Variants in FOXP1 observed in about 807,000 individuals in gnomAD.
FOXP1 encodes the protein forkhead box protein P1.
Under a neutral mutation model 98.2 loss-of-function variants are expected in FOXP1, and 15 were observed. The observed-to-expected ratio is 0.15, with a 90% CI of 0.10 to 0.24. The LOEUF is 0.24. Among genes scored for constraint, FOXP1 ranks in the 10% least tolerant of loss-of-function variants. The pLI, the probability that FOXP1 is intolerant of heterozygous loss-of-function variation, is 1.00. For missense variants in FOXP1, 633 were observed against 848.5 expected, an observed-to-expected ratio of 0.75 and a Z score of 3.15; for synonymous variants, 371 against 314.5, an observed-to-expected ratio of 1.18 and a Z score of -1.90.
intron 2 of FOXP1, among the ~76,000 whole-genome samples, chr3:71,499,610 T>A (rs546142819): frequency 6.6e-6 from 1 of 152,380 alleles, no homozygotes; most frequent in African/African-American, 2.4e-5. Flanking sequence ...GGGTCCCACG[T>A]GCCACAGCAA....
intron 6 of FOXP1, among the ~76,000 whole-genome samples, chr3:71,124,802 G>A (rs182722326): frequency 2.5e-3 from 379 of 152,266 alleles, no homozygotes; most frequent in Non-Finnish European, 4.4e-3. Context: ...ATAACACACT[G>A]CCCCCAGGCA....
At chr3:71,331,058 C>T (rs1343001477) in intron 4 of FOXP1, among the ~76,000 whole-genome samples, 10 of 152,248 alleles carry the variant, frequency 6.6e-5, no homozygotes, top group East Asian at 1.9e-4. Context: ...TTCAGCCCGC[C>T]GCTGCACTGT....
In FOXP1 at chr3:71,284,765, T is replaced by TA. The variant is rs1161741176; in HGVS notation, c.-12+15054dup. On this transcript the variant is annotated intron_variant, in intron 5 of 20. Coordinates refer to ENST00000649528, the MANE Select transcript of FOXP1 (RefSeq NM_001349338.3). ...AAATGCTCATCATGAAATACTAAAT[T>TA]AAAAAAAAAAATGGATACACAAATA... Among the ~76,000 whole-genome samples the TA allele has an allele frequency of 3.0e-3, 435 of 146,686 alleles. 2 individuals are homozygous for TA. Among genetic ancestry groups the TA allele is most frequent in the Middle Eastern group, 7.1e-3 (2 of 282 alleles).
At chr3:71,574,146 A>G (rs1232640173) in intron 2 of FOXP1, 1 of 152,204 alleles carries the variant, frequency 6.6e-6, no homozygotes, top group African/African-American at 2.4e-5. Context: ...AGAAATTTTA[A>G]AAGTTTTTAT....
At position 70,965,958 on chromosome 3, in the gene FOXP1, G is replaced by A. The variant is rs768285337; in HGVS notation, c.1821C>T (p.Asn607=). The stretch of plus-strand genomic sequence containing the variant: ...TGCTGTTGGTATGCTCCATTGCCCC[G>A]TTCAGCTCTTCCCGTATTGCGCTGG... ...NLASAIREEL[N]GAMEHTNSNE... Residue 607 remains asparagine, a synonymous_variant, in exon 20 of 21, where the codon AAC becomes AAT. Coordinates refer to ENST00000649528, the MANE Select transcript of FOXP1 (RefSeq NM_001349338.3). 1.8e-5 allele frequency: 29 copies of A among 1,613,926 alleles called. No homozygotes were observed. The highest frequency in any genetic ancestry group is 1.5e-4 in the African/African-American group (11 of 74,886).
At chr3:71,469,207 C>A (rs2089082094) in intron 3 of FOXP1, among the ~76,000 whole-genome samples, 1 of 152,052 alleles carries the variant, frequency 6.6e-6, no homozygotes, top group South Asian at 2.1e-4. Context: ...AAATATTAAC[C>A]CATTTTATAA....
chr3:71,302,759 T>C (rs967077545), intron 4 of FOXP1: 3 of 152,170 alleles, frequency 2.0e-5, no homozygotes, highest in African/African-American at 4.8e-5. Context: ...AATTGTTCCA[T>C]GGCCTCTTCA....
rs2039999077 is a variant in FOXP1 at position 70,987,861 on chromosome 3, A to G, written c.1146+133T>C. 6 of 759,714 alleles carry G rather than the reference A, an allele frequency of 7.9e-6. No homozygotes were observed. In the East Asian group the frequency reaches 1.5e-4, roughly 19 times the overall value. The allele number at this position is 759,714 out of a possible 1,614,324, so 47.1% of individuals were successfully genotyped here. On this transcript the variant is annotated intron_variant, in intron 14 of 20. Transcript: ENST00000649528. ...ATAAAGGATAACCAGAAACAGTCGC[A>G]TGAATCTAAGGCCCTCAAAACTCAA... is the stretch of plus-strand genomic sequence containing the variant.
At chr3:71,417,856 T>C (rs2083330405) in intron 3 of FOXP1, among the ~76,000 whole-genome samples, 2 of 152,150 alleles carry the variant, frequency 1.3e-5, no homozygotes. Flanking sequence ...TCACTTCATA[T>C]TACAGATCGA....
chr3:71,358,928 C>T (rs1055677199), intron 4 of FOXP1, among the ~76,000 whole-genome samples: 5 of 152,156 alleles, frequency 3.3e-5, no homozygotes, highest in Non-Finnish European at 7.4e-5. Context: ...ATTAGGTCAC[C>T]TTCCCACAAA....
intron 6 of FOXP1, among the ~76,000 whole-genome samples, chr3:71,135,446 T>A (rs1381045140): frequency 6.6e-6 from 1 of 151,818 alleles, no homozygotes; most frequent in Non-Finnish European, 1.5e-5. Flanking sequence ...TACCCCCTAC[T>A]CCCAAAATAG....
intron 3 of FOXP1, among the ~76,000 whole-genome samples, chr3:71,450,250 C>T (rs17718444): frequency 0.27 from 40,573 of 152,090 alleles, 5,873 homozygotes; most frequent in Non-Finnish European, 0.33. Context: ...AACTAAAAAA[C>T]TACAGGTGTT....
upstream of FOXP1, chr3:71,583,804 C>A: frequency 1.0e-6 from 1 of 987,114 alleles, no homozygotes; most frequent in Non-Finnish European, 1.2e-6. Context: ...CAGCCAGCGC[C>A]GGTGGCGGCG....
At chr3:71,334,714 T>C (rs1404510495) in intron 4 of FOXP1, 1 of 152,156 alleles carries the variant, frequency 6.6e-6, no homozygotes, top group Non-Finnish European at 1.5e-5. Context: ...GGTTTAAGTA[T>C]AAAGAACACA....
rs530218535 is a variant in FOXP1 at position 71,407,863 on chromosome 3, G to A, written c.-167-48619C>T. On this transcript the variant is annotated intron_variant, in intron 3 of 20. Coordinates refer to ENST00000649528, the MANE Select transcript of FOXP1 (RefSeq NM_001349338.3). ...AAGGTTCCCAGTCATCTGGGTGTTC[G>A]TACAAGAATTATCTGTCGCTCTACA... 8.5e-4 allele frequency among the ~76,000 whole-genome samples: 129 copies of A among 152,230 alleles called. 1 individual carries two copies. Among genetic ancestry groups the A allele is most frequent in the African/African-American group, 2.9e-3 (119 of 41,530 alleles).
chr3:71,012,863 C>A (rs558241850), intron 12 of FOXP1, among the ~76,000 whole-genome samples: 1 of 152,132 alleles, frequency 6.6e-6, no homozygotes, highest in Non-Finnish European at 1.5e-5. Flanking sequence ...CAGATGTATA[C>A]ATGGGCATAT....
intron 3 of FOXP1, among the ~76,000 whole-genome samples, chr3:71,490,726 T>C (rs2091004449): frequency 6.6e-6 from 1 of 152,228 alleles, no homozygotes; most frequent in Non-Finnish European, 1.5e-5. Context: ...GATGGATTTT[T>C]CAAATAATGG....
At chr3:71,052,432 G>A (rs1323568337) in intron 9 of FOXP1, 105 bp downstream of exon 9, 1 of 790,756 alleles carries the variant, frequency 1.3e-6, no homozygotes, top group Non-Finnish European at 2.3e-6. Context: ...AACCGATAGA[G>A]TCAGCTCAGT....
intron 2 of FOXP1, among the ~76,000 whole-genome samples, chr3:71,561,407 CA>C (rs56792827): frequency 0.11 from 4,362 of 40,298 alleles, 88 homozygotes; most frequent in African/African-American, 0.25. Flanking sequence ...TAAAGCTGGC[CA>C]AAAAAAAAAA....
Sources: gnomAD v4.1 joint callset for allele counts (sites outside exome capture counted in the v4.1 genomes callset) on GRCh38, gnomAD v4.1.1 for gene constraint, MANE v1.5 for transcripts, NCBI Gene and HGNC (gene_info 2026-07-23, HGNC 2026-07-21) for gene names.